ZSCAN2: variants seen among roughly 807,000 people sequenced by gnomAD.
ZSCAN2 encodes the protein zinc finger and SCAN domain-containing protein 2.
ZSCAN2 carries 26 observed loss-of-function variants against 47.8 expected under a neutral mutation model. The ratio of observed to expected loss-of-function variants is 0.54; its 90% CI spans 0.40 to 0.75. ZSCAN2 has a LOEUF of 0.75. Among genes scored for constraint, ZSCAN2 ranks in the 30% least tolerant of loss-of-function variants. The probability of loss-of-function intolerance (pLI) is 0.00; values close to 1 mark genes in which losing one functional copy is unlikely to be tolerated. For synonymous variants in ZSCAN2, 305 were observed against 288.7 expected (o/e 1.06, Z -0.57); for missense variants, 732 against 785.4 (o/e 0.93, Z 0.81).
At chr15:84,607,789 G>A (rs920805305) in intron 2 of ZSCAN2, among the ~76,000 whole-genome samples, 6 of 152,168 alleles carry the variant, frequency 3.9e-5, no homozygotes, top group Admixed American at 1.3e-4. Context: ...GATTACAGGC[G>A]TGAGCCACCA....
At position 84,606,871 on chromosome 15, in the gene ZSCAN2, C is replaced by T. The variant is rs900379003; in HGVS notation, c.406+2538C>T. Reference sequence around the variant, plus strand: ...GTTGGTCTTTGTTTAATAAACGCCCCGACCTTCCTCATGATTGCTCACAGG... The same window carrying T: ...GTTGGTCTTTGTTTAATAAACGCCCTGACCTTCCTCATGATTGCTCACAGG... On this transcript the variant is annotated intron_variant, in intron 2 of 2. Transcript: ENST00000546148. 38 of 1,153,246 alleles carry T rather than the reference C, an allele frequency of 3.3e-5. 1 individual carries two copies. The Middle Eastern group carries it at 1.4e-3, about 44-fold the overall frequency. The allele number at this position is 1,153,246 out of a possible 1,614,324, so 71.4% of individuals were successfully genotyped here. A position where few individuals can be genotyped will look rare whatever the true frequency, so the allele number is the denominator to read the frequency against.
rs113632358 is a variant in ZSCAN2 at position 84,612,932 on chromosome 15, T to C, written c.407-7670T>C. Among the ~76,000 whole-genome samples, 647 of 152,360 alleles carry C rather than the reference T, an allele frequency of 4.2e-3. 4 individuals carry two copies. Among genetic ancestry groups the C allele is most frequent in the Non-Finnish European group, 3.5e-3 (237 of 68,030 alleles). On this transcript the variant is annotated intron_variant, in intron 2 of 2. Transcript: ENST00000546148. Reference sequence around the variant, plus strand: ...GCCAGATTTTAAAGAAATTCTTTCATATGTTCATCTAATAGTTTGATGCTG... The same window carrying C: ...GCCAGATTTTAAAGAAATTCTTTCACATGTTCATCTAATAGTTTGATGCTG...
intron 1 of ZSCAN2, among the ~76,000 whole-genome samples, chr15:84,603,217 G>A (rs1271414268): frequency 6.6e-6 from 1 of 152,138 alleles, no homozygotes; most frequent in Non-Finnish European, 1.5e-5. Flanking sequence ...TAAGTTGTAT[G>A]TTAGGTCAAG....
Position 84,623,446 on chromosome 15 carries a change from G to C in ZSCAN2, c.*1406G>C, listed in dbSNP as rs1056239290. ...TTTGAGGACATATCTGTTCCCTGGA[G>C]ATATTTGGGCTTGAATCAGGAGTTT... On this transcript the variant is annotated 3_prime_UTR_variant, in exon 3 of 3. Transcript: ENST00000546148. 5 of 171,908 alleles carry C rather than the reference G, an allele frequency of 2.9e-5. No homozygotes were observed. The highest frequency in any genetic ancestry group is 1.2e-4 in the African/African-American group (5 of 41,504). The allele number at this position is 171,908 out of a possible 1,614,324, so 10.6% of individuals were successfully genotyped here. A position where few individuals can be genotyped will look rare whatever the true frequency, so the allele number is the denominator to read the frequency against.
Position 84,604,082 on chromosome 15 carries a change from A to C in ZSCAN2, c.155A>C (p.Glu52Ala), listed in dbSNP as rs766224637. 1.2e-6 allele frequency: 2 copies of C among 1,614,152 alleles called. No individual in the cohort carries two copies. Among genetic ancestry groups the C allele is most frequent in the South Asian group, 2.2e-5 (2 of 91,072 alleles). The change falls in exon 2 of 3, where the codon GAG becomes GCG. Residue 52 changes from glutamate to alanine, a missense_variant. This residue lies in a region of ZSCAN2 where 320 missense variants were observed against 287.4 expected (regional missense o/e 1.11). Coordinates refer to ENST00000546148, the MANE Select transcript of ZSCAN2 (RefSeq NM_181877.4). ...QEAVLQEDGP[E>A]SEPFPQSAGK... is the part of the protein sequence containing the mutation. Reference sequence around the variant, plus strand: ...GCTGTGCTGCAGGAGGATGGCCCTGAGTCTGAGCCCTTTCCCCAGAGTGCT... The same window carrying C: ...GCTGTGCTGCAGGAGGATGGCCCTGCGTCTGAGCCCTTTCCCCAGAGTGCT...
At chr15:84,620,458 A>T in intron 2 of ZSCAN2, 144 bp from the exon 3 acceptor site, 1 of 686,610 alleles carries the variant, frequency 1.5e-6, no homozygotes, top group Non-Finnish European at 2.5e-6. Flanking sequence ...GGTATATTAA[A>T]CCTGATTATT....
Position 84,622,269 on chromosome 15 carries a change from T to C in ZSCAN2, c.*229T>C, listed in dbSNP as rs1030354773. The C allele has an allele frequency of 4.3e-5, 25 of 577,114 alleles. No individual in the cohort carries two copies. The African/African-American group carries it at 4.5e-4, about 10-fold the overall frequency. The allele number at this position is 577,114 out of a possible 1,614,324, so 35.7% of individuals were successfully genotyped here. A position where few individuals can be genotyped will look rare whatever the true frequency, so the allele number is the denominator to read the frequency against. ...GGCGTGGAAGGTCTGGAAAGTTGGG[T>C]CTTTTTCCCTTACATTGGGTGACTT... On this transcript the variant is annotated 3_prime_UTR_variant, in exon 3 of 3. Coordinates refer to ENST00000546148, the MANE Select transcript of ZSCAN2 (RefSeq NM_181877.4).
In ZSCAN2 at chr15:84,621,352, G is replaced by C; in HGVS notation, c.1157G>C (p.Gly386Ala). The change falls in exon 3 of 3, where the codon GGA (glycine) becomes GCA (alanine). Residue 386 changes from glycine to alanine, a missense_variant. Around this residue, in one of 2 missense-constraint regions of ZSCAN2, gnomAD observed 412 missense variants for 498.0 expected, o/e 0.83. Transcript: ENST00000546148. The surrounding 1 kb of genome is among the most constrained non-coding windows in gnomAD (Gnocchi z 5.7). ...ATCAGACACCAGAGAATCCACACAG[G>C]AGAGAAACCCTACAAATGTACCGAC... ...NLIRHQRIHTGEKPYKCTDCG... is the reference protein window; with the variant it reads ...NLIRHQRIHTAEKPYKCTDCG... The C allele has an allele frequency of 6.2e-7, 1 of 1,614,138 alleles. No individual in the cohort carries two copies. Among genetic ancestry groups the C allele is most frequent in the Non-Finnish European group, 8.5e-7 (1 of 1,180,036 alleles).
intron 2 of ZSCAN2, chr15:84,614,882 G>A (rs965770710): frequency 6.6e-6 from 1 of 152,134 alleles, no homozygotes; most frequent in African/African-American, 2.4e-5. Context: ...TAGCCACCCT[G>A]GGTTAGTTTT....
chr15:84,621,483 A>C lies in ZSCAN2; in HGVS notation c.1288A>C (p.Ser430Arg). The C allele has an allele frequency of 6.2e-7, 1 of 1,612,986 alleles. No individual in the cohort carries two copies. Among genetic ancestry groups the C allele is most frequent in the Non-Finnish European group, 8.5e-7 (1 of 1,179,798 alleles). The change falls in exon 3 of 3, where the codon AGC (serine) becomes CGC (arginine). Residue 430 changes from serine (S) to arginine (R), a missense_variant. Ser to Arg is a moderately radical substitution (Grantham distance 110, BLOSUM62 -1). Coordinates refer to ENST00000546148, the MANE Select transcript of ZSCAN2 (RefSeq NM_181877.4). This position sits in a 1 kb window ranked among gnomAD's most constrained non-coding sequence, Gnocchi z 5.7. Reference sequence around the variant, plus strand: ...CGAGTGTGGGAAAAGCTTCAGCCGCAGCTCTAACCTGGCCACACACCGGAG... The same window carrying C: ...CGAGTGTGGGAAAAGCTTCAGCCGCCGCTCTAACCTGGCCACACACCGGAG... ...CSECGKSFSR[S>R]SNLATHRRTH...
chr15:84,622,430 A>G lies in ZSCAN2; in HGVS notation c.*390A>G, dbSNP rs1488842331. On this transcript the variant is annotated 3_prime_UTR_variant, in exon 3 of 3. Coordinates refer to ENST00000546148, the MANE Select transcript of ZSCAN2 (RefSeq NM_181877.4). Reference sequence around the variant, plus strand: ...AGTCCTCAGAGAAATACTGGAAATCATTGGTGTGGTTCTGGTTGTTTTGTT... The same window carrying G: ...AGTCCTCAGAGAAATACTGGAAATCGTTGGTGTGGTTCTGGTTGTTTTGTT... The G allele has an allele frequency of 1.7e-6, 1 of 601,030 alleles. No homozygotes were observed. The highest frequency in any genetic ancestry group is 3.0e-6 in the Non-Finnish European group (1 of 331,762). 37.2% of individuals were successfully genotyped at this position (601,030 alleles called of 1,614,324 possible). A position where few individuals can be genotyped will look rare whatever the true frequency, so the allele number is the denominator to read the frequency against.
intron 1 of ZSCAN2, among the ~76,000 whole-genome samples, chr15:84,603,091 C>A (rs1175325709): frequency 2.0e-5 from 3 of 152,052 alleles, no homozygotes; most frequent in Non-Finnish European, 4.4e-5. Context: ...TGCCTTTCTT[C>A]CAAAGAAGCT....
intron 2 of ZSCAN2, among the ~76,000 whole-genome samples, chr15:84,620,211 A>G (rs1403610627): frequency 6.6e-6 from 1 of 151,892 alleles, no homozygotes; most frequent in African/African-American, 2.4e-5. Flanking sequence ...TTCTGTTCCT[A>G]TGTTAGTTTG....
rs1243150217 is a variant in ZSCAN2, at chr15:84,623,172, C to T, written c.*1132C>T. The stretch of plus-strand genomic sequence containing the variant: ...GTGCCATCTCAGCTCACTGCAAGCT[C>T]CGCCTCCCGGGTTCACGCCATTCTC... On this transcript the variant is annotated 3_prime_UTR_variant, in exon 3 of 3. Transcript: ENST00000546148. The T allele has an allele frequency of 6.4e-6, 1 of 156,060 alleles. No homozygotes were observed. The highest frequency in any genetic ancestry group is 6.5e-5 in the Admixed American group (1 of 15,292). The allele number at this position is 156,060 out of a possible 1,614,324, so 9.7% of individuals were successfully genotyped here. A position where few individuals can be genotyped will look rare whatever the true frequency, so the allele number is the denominator to read the frequency against.
chr15:84,617,577 C>G (rs1280741837), intron 2 of ZSCAN2, among the ~76,000 whole-genome samples: 2 of 152,180 alleles, frequency 1.3e-5, no homozygotes, highest in African/African-American at 4.8e-5. Flanking sequence ...TGTGAACCCA[C>G]AGATTACCAG....
At position 84,608,589 on chromosome 15, in the gene ZSCAN2, A is replaced by G. The variant is rs118055229; in HGVS notation, c.406+4256A>G. ...ATGCCCAGCATTCTAAGTGATCCTG[A>G]TTCAAACTCCAATTTGAGAACCTCT... is the stretch of plus-strand genomic sequence containing the variant. On this transcript the variant is annotated intron_variant, in intron 2 of 2. Coordinates refer to ENST00000546148, the MANE Select transcript of ZSCAN2 (RefSeq NM_181877.4). Among the ~76,000 whole-genome samples the G allele has an allele frequency of 7.3e-3, 1,099 of 151,514 alleles. 11 individuals are homozygous for G. The highest frequency in any genetic ancestry group is 0.011 in the Non-Finnish European group (780 of 67,908).
chr15:84,607,600 C>G (rs1181015153), intron 2 of ZSCAN2, among the ~76,000 whole-genome samples: 1 of 152,164 alleles, frequency 6.6e-6, no homozygotes, highest in Non-Finnish European at 1.5e-5. Context: ...CCTCCACCTC[C>G]TGGGTTCAAG....
intron 2 of ZSCAN2, among the ~76,000 whole-genome samples, chr15:84,617,977 T>G (rs892341841): frequency 6.6e-6 from 1 of 152,162 alleles, no homozygotes; most frequent in Non-Finnish European, 1.5e-5. Context: ...GATCTTAAAT[T>G]GACTGAAGGC....
In ZSCAN2 at chr15:84,604,174, C is replaced by G; in HGVS notation, c.247C>G (p.Leu83Val). Residue 83 changes from leucine to valine, a missense_variant, in exon 2 of 3, where the codon CTC becomes GTC. By Grantham distance (32) the Leu-to-Val change is conservative. This residue lies in a region of ZSCAN2 where 320 missense variants were observed against 287.4 expected (regional missense o/e 1.11). Transcript: ENST00000546148. ...GGGTGCACTCGGCCGCCTCCGAGAG[C>G]TCTGCCGGCGCTGGCTGAGACCAGA... ...PQGALGRLRE[L>V]CRRWLRPEVH... 1 of 1,613,722 alleles carries G rather than the reference C, an allele frequency of 6.2e-7. No homozygotes were observed. The highest frequency in any genetic ancestry group is 1.1e-5 in the South Asian group (1 of 91,046).
Sources: allele counts gnomAD v4.1 joint callset (sites outside exome capture counted in the v4.1 genomes callset), GRCh38; gene constraint gnomAD v4.1.1; regional missense constraint gnomAD v4.1.1; non-coding constraint Gnocchi (gnomAD v3.1); transcripts MANE v1.5; gene names NCBI Gene and HGNC (gene_info 2026-07-23, HGNC 2026-07-21).